Variants in GAS2 observed in about 807,000 individuals in gnomAD.
The protein encoded by GAS2 is growth arrest specific 2.
A neutral mutation model predicts 37.5 loss-of-function variants in GAS2; 20 were observed. The observed-to-expected ratio is 0.53, with a 90% CI of 0.37 to 0.77. The LOEUF (loss-of-function observed/expected upper bound fraction) is 0.77. Among genes scored for constraint, GAS2 ranks in the 30% least tolerant of loss-of-function variants. The probability of loss-of-function intolerance (pLI) is 0.00; values close to 1 mark genes in which losing one functional copy is unlikely to be tolerated. For synonymous variants in GAS2, 144 were observed against 132.2 expected (o/e 1.09, Z -0.61); for missense variants, 336 against 373.4 (o/e 0.90, Z 0.82).
chr11:22,811,768 T>A, intron 7 of GAS2, 30 bp from the exon 8 acceptor site: 1 of 1,600,628 alleles, frequency 6.2e-7, no homozygotes, highest in Non-Finnish European at 8.6e-7. Flanking sequence ...ATTCTCGGAA[T>A]TTAACACTTT....
intron 7 of GAS2, among the ~76,000 whole-genome samples, chr11:22,800,740 G>A (rs1252070354): frequency 6.6e-6 from 1 of 152,006 alleles, no homozygotes; most frequent in Non-Finnish European, 1.5e-5. Context: ...CAAACAGACA[G>A]GGACATTCAA....
chr11:22,811,185 T>G (rs1365867490), intron 7 of GAS2, among the ~76,000 whole-genome samples: 2 of 152,170 alleles, frequency 1.3e-5, no homozygotes, highest in Non-Finnish European at 2.9e-5. Flanking sequence ...GGTAAGTTGT[T>G]TGTTTTAAAA....
At chr11:22,686,878 ATATTTTATATTACTCCG>A (rs980513447) in intron 3 of GAS2, among the ~76,000 whole-genome samples, 1 of 152,172 alleles carries the variant, frequency 6.6e-6, no homozygotes, top group Non-Finnish European at 1.5e-5. Flanking sequence ...TATTTTTTAA[ATATTTTATATTACTCCG>A]TAAAGTATTG....
At chr11:22,765,778 A>G (rs1343927363) in intron 7 of GAS2, among the ~76,000 whole-genome samples, 1 of 149,520 alleles carries the variant, frequency 6.7e-6, no homozygotes, top group Non-Finnish European at 1.5e-5. Context: ...GACTCTGTCA[A>G]AAAAAAAAAA....
At chr11:22,756,934 A>G (rs1345551755) in intron 7 of GAS2, among the ~76,000 whole-genome samples, 1 of 152,092 alleles carries the variant, frequency 6.6e-6, no homozygotes, top group Non-Finnish European at 1.5e-5. Flanking sequence ...TATTTTGTTA[A>G]GTCAAACTGC....
intron 6 of GAS2, among the ~76,000 whole-genome samples, chr11:22,750,054 C>T (rs1041527576): frequency 1.3e-5 from 2 of 152,004 alleles, no homozygotes; most frequent in African/African-American, 4.8e-5. Context: ...TCATGAGTGA[C>T]TGGGATGTTG....
intron 7 of GAS2, among the ~76,000 whole-genome samples, chr11:22,771,377 C>A (rs926031933): frequency 6.6e-6 from 1 of 152,064 alleles, no homozygotes; most frequent in Non-Finnish European, 1.5e-5. Context: ...AATGAAACAC[C>A]ATATAATTTC....
intron 7 of GAS2, among the ~76,000 whole-genome samples, chr11:22,771,188 A>G (rs1352676740): frequency 6.6e-6 from 1 of 151,966 alleles, no homozygotes; most frequent in Non-Finnish European, 1.5e-5. Context: ...GTGGGTGGCT[A>G]GAAGACAGTA....
chr11:22,701,798 C>T (rs1295640827), intron 3 of GAS2, among the ~76,000 whole-genome samples: 1 of 152,156 alleles, frequency 6.6e-6, no homozygotes, highest in Non-Finnish European at 1.5e-5. Context: ...CACTGCACTC[C>T]AGCCTGGACA....
chr11:22,672,303 A>T (rs545167269), intron 1 of GAS2, among the ~76,000 whole-genome samples: 2 of 152,296 alleles, frequency 1.3e-5, no homozygotes, highest in African/African-American at 4.8e-5. Context: ...ATTAGAAGGT[A>T]GTTTGAGTTA....
chr11:22,680,081 A>G (rs1849609172), intron 2 of GAS2, among the ~76,000 whole-genome samples: 1 of 152,266 alleles, frequency 6.6e-6, no homozygotes, highest in Admixed American at 6.5e-5. Context: ...TGTCAAATAC[A>G]GCTACTATCT....
At chr11:22,790,646 A>G (rs1856108832) in intron 7 of GAS2, among the ~76,000 whole-genome samples, 1 of 134,834 alleles carries the variant, frequency 7.4e-6, no homozygotes, top group Non-Finnish European at 1.5e-5. Context: ...TATTTTTGGT[A>G]GAGACAGGGT....
intron 1 of GAS2, among the ~76,000 whole-genome samples, chr11:22,643,962 C>T (rs916804960): frequency 1.3e-5 from 2 of 151,880 alleles, no homozygotes; most frequent in Non-Finnish European, 2.9e-5. Flanking sequence ...TCTCAACCTC[C>T]TTTTTTTCTG....
At chr11:22,719,445 G>A (rs546230862) in intron 3 of GAS2, among the ~76,000 whole-genome samples, 1 of 152,196 alleles carries the variant, frequency 6.6e-6, no homozygotes, top group African/African-American at 2.4e-5. Context: ...GTACACCAGA[G>A]TGGTATATTT....
In GAS2 at chr11:22,812,165, C is replaced by G. The variant is rs1197247826; in HGVS notation, c.*149C>G. 4.9e-6 allele frequency: 3 copies of G among 617,050 alleles called. No individual in the cohort carries two copies. Among genetic ancestry groups the G allele is most frequent in the South Asian group, 4.1e-5 (2 of 48,346 alleles). 38.2% of individuals were successfully genotyped at this position (617,050 alleles called of 1,614,324 possible). On this transcript the variant is annotated 3_prime_UTR_variant, in exon 8 of 8. Coordinates refer to ENST00000454584, the MANE Select transcript of GAS2 (RefSeq NM_001143830.3). ...ATTGAAAAATGTTCAAAGAGTAGCA[C>G]TATTTATTTTTAATGCTTCTGTAGA...
intron 1 of GAS2, among the ~76,000 whole-genome samples, chr11:22,643,085 A>C (rs1167237944): frequency 6.6e-6 from 1 of 152,020 alleles, no homozygotes; most frequent in African/African-American, 2.4e-5. Flanking sequence ...ACTTTATATA[A>C]TAAAGTTCAA....
chr11:22,801,902 G>GT (rs1212201725), intron 7 of GAS2, among the ~76,000 whole-genome samples: 2 of 151,954 alleles, frequency 1.3e-5, no homozygotes, highest in African/African-American at 4.8e-5. Context: ...ATATGAAGAG[G>GT]TTTTCTAATT....
intron 3 of GAS2, among the ~76,000 whole-genome samples, chr11:22,715,931 G>A (rs960390987): frequency 2.0e-5 from 3 of 151,978 alleles, no homozygotes; most frequent in Non-Finnish European, 4.4e-5. Context: ...GATGACCATA[G>A]ATGAAAAAAT....
At chr11:22,730,369 C>T (rs1191967017) in intron 4 of GAS2, among the ~76,000 whole-genome samples, 2 of 151,692 alleles carry the variant, frequency 1.3e-5, no homozygotes, top group Admixed American at 6.6e-5. Flanking sequence ...AAATTTTATA[C>T]ATCAGTATAT....
Sources: gnomAD v4.1 joint callset for allele counts (sites outside exome capture counted in the v4.1 genomes callset) on GRCh38, gnomAD v4.1.1 for gene constraint, MANE v1.5 for transcripts, NCBI Gene and HGNC (gene_info 2026-07-23, HGNC 2026-07-21) for gene names.